The following DPP10 variants were observed in gnomAD, a reference collection of about 807,000 sequenced individuals.
The protein encoded by DPP10 is inactive dipeptidyl peptidase 10.
In DPP10, 33 loss-of-function variants were observed where a neutral mutation model predicts 120.9. That is an observed-to-expected ratio of 0.27 (90% confidence interval 0.21 to 0.37). The LOEUF (loss-of-function observed/expected upper bound fraction) is 0.37. Ranked by LOEUF, DPP10 falls within the 10% of genes least tolerant of loss-of-function variation. The pLI is 1.00. For missense variants in DPP10, 816 were observed against 942.8 expected, an observed-to-expected ratio of 0.87 and a Z score of 1.76; for synonymous variants, 337 against 326.1, an observed-to-expected ratio of 1.03 and a Z score of -0.36.
At chr2:114,476,843 C>G (rs1375411075) in intron 1 of DPP10, among the ~76,000 whole-genome samples, 5 of 152,132 alleles carry the variant, frequency 3.3e-5, no homozygotes, top group Non-Finnish European at 5.9e-5. Flanking sequence ...AGAAACAGAA[C>G]ATGAAAAGCA....
intron 1 of DPP10, among the ~76,000 whole-genome samples, chr2:114,992,981 T>C (rs187835237): frequency 1.1e-4 from 16 of 152,322 alleles, no homozygotes; most frequent in African/African-American, 3.8e-4. Flanking sequence ...TTCCTCATGG[T>C]CACTATTCCA....
chr2:115,188,033 C>CAG (rs111670003), intron 1 of DPP10, among the ~76,000 whole-genome samples: 28 of 142,928 alleles, frequency 2.0e-4, no homozygotes, highest in African/African-American at 6.8e-4. Flanking sequence ...AACAGAGAGA[C>CAG]AGAGAGAGAG....
chr2:115,330,514 C>A (rs1226552151), intron 2 of DPP10, among the ~76,000 whole-genome samples: 1 of 151,830 alleles, frequency 6.6e-6, no homozygotes, highest in Non-Finnish European at 1.5e-5. Flanking sequence ...TTGCCCATGC[C>A]TATGTACTGA....
intron 3 of DPP10, among the ~76,000 whole-genome samples, chr2:115,372,918 T>C (rs1244866433): frequency 6.6e-6 from 1 of 152,214 alleles, no homozygotes; most frequent in Non-Finnish European, 1.5e-5. Context: ...AATCAAGACA[T>C]AATATCTACC....
chr2:114,512,036 C>A (rs999097401), intron 1 of DPP10, among the ~76,000 whole-genome samples: 1 of 152,300 alleles, frequency 6.6e-6, no homozygotes, highest in African/African-American at 2.4e-5. Context: ...AGATGAGACT[C>A]ATAATTACTC....
chr2:114,549,958 C>T (rs959470913), intron 1 of DPP10, among the ~76,000 whole-genome samples: 4 of 152,144 alleles, frequency 2.6e-5, no homozygotes, highest in African/African-American at 9.7e-5. Flanking sequence ...AAGCATTTTA[C>T]CTCCTTTAGA....
intron 3 of DPP10, among the ~76,000 whole-genome samples, chr2:115,381,055 A>G (rs2066298024): frequency 1.3e-5 from 2 of 152,054 alleles, no homozygotes; most frequent in South Asian, 4.2e-4. Flanking sequence ...CTCGTGGAGT[A>G]TCTTTGTGGC....
chr2:114,998,919 T>A (rs1009778557), intron 1 of DPP10, among the ~76,000 whole-genome samples: 1 of 152,106 alleles, frequency 6.6e-6, no homozygotes, highest in Non-Finnish European at 1.5e-5. Context: ...TGGGAAAAGT[T>A]CTCCACTTTT....
At chr2:114,742,924 G>A (rs1244561553) in intron 1 of DPP10, among the ~76,000 whole-genome samples, 1 of 152,218 alleles carries the variant, frequency 6.6e-6, no homozygotes, top group Non-Finnish European at 1.5e-5. Flanking sequence ...TTGCCATATC[G>A]TGTGGACAAT....
intron 1 of DPP10, among the ~76,000 whole-genome samples, chr2:114,792,993 TGTGTG>T (rs1382649736): frequency 1.7e-3 from 46 of 26,342 alleles, no homozygotes; most frequent in African/African-American, 3.3e-3. Context: ...TGTATTATTG[TGTGTG>T]TGTGTGTGTG....
intron 1 of DPP10, among the ~76,000 whole-genome samples, chr2:115,242,384 C>A (rs1219906677): frequency 6.6e-6 from 1 of 151,838 alleles, no homozygotes; most frequent in African/African-American, 2.4e-5. Context: ...TGTATATATC[C>A]CACAGTTTTT....
At chr2:115,270,887 TG>T (rs143220849) in intron 1 of DPP10, among the ~76,000 whole-genome samples, 22,605 of 141,730 alleles carry the variant, frequency 0.16, 1,923 homozygotes, top group Admixed American at 0.24. Flanking sequence ...TTCTTTATAT[TG>T]TTTTTTTTTA....
chr2:115,166,360 A>G (rs530190521), intron 1 of DPP10, among the ~76,000 whole-genome samples: 2 of 151,316 alleles, frequency 1.3e-5, no homozygotes, highest in East Asian at 3.9e-4. Context: ...GTCATATTTA[A>G]TTGGGAGTAG....
At chr2:114,933,219 AG>A (rs1476887288) in intron 1 of DPP10, among the ~76,000 whole-genome samples, 1 of 152,204 alleles carries the variant, frequency 6.6e-6, no homozygotes, top group Non-Finnish European at 1.5e-5. Context: ...ATAAATAACT[AG>A]TTAGAATTAT....
chr2:115,377,295 A>G (rs2065887420), intron 3 of DPP10, among the ~76,000 whole-genome samples: 1 of 151,902 alleles, frequency 6.6e-6, no homozygotes, highest in Non-Finnish European at 1.5e-5. Context: ...CATTTCTCTG[A>G]TGGCCAGTGA....
At chr2:115,764,841 A>G (rs1184159852) in intron 12 of DPP10, among the ~76,000 whole-genome samples, 2 of 151,818 alleles carry the variant, frequency 1.3e-5, no homozygotes, top group African/African-American at 4.9e-5. Context: ...AGCAGTAATA[A>G]GAAGCAGCAA....
At chr2:115,089,406 A>G (rs1448073013) in intron 1 of DPP10, among the ~76,000 whole-genome samples, 2 of 152,218 alleles carry the variant, frequency 1.3e-5, no homozygotes, top group Non-Finnish European at 2.9e-5. Flanking sequence ...CCAAGACTAG[A>G]TGAGCAGTAA....
intron 1 of DPP10, among the ~76,000 whole-genome samples, chr2:114,784,573 C>A (rs760267663): frequency 6.6e-6 from 1 of 152,080 alleles, no homozygotes; most frequent in African/African-American, 2.4e-5. Context: ...ACGGGCTAAT[C>A]TCTAATGCTG....
At chr2:115,239,433 C>G (rs867715351) in intron 1 of DPP10, among the ~76,000 whole-genome samples, 11 of 152,146 alleles carry the variant, frequency 7.2e-5, no homozygotes, top group African/African-American at 2.4e-4. Flanking sequence ...GATCAGTCAG[C>G]AGCTAGTAAT....
Sources: allele counts gnomAD v4.1 joint callset (sites outside exome capture counted in the v4.1 genomes callset), GRCh38; gene constraint gnomAD v4.1.1; transcripts MANE v1.5; gene names NCBI Gene and HGNC (gene_info 2026-07-23, HGNC 2026-07-21).